The following ROBO1 variants were observed in gnomAD, a reference collection of about 807,000 sequenced individuals.
ROBO1 encodes the protein roundabout homolog 1.
ROBO1 carries 149 observed loss-of-function variants against 195.9 expected under a neutral mutation model. The ratio of observed to expected loss-of-function variants is 0.76; its 90% CI spans 0.67 to 0.87. The LOEUF is 0.87. Ranked by LOEUF, ROBO1 falls within the 40% of genes least tolerant of loss-of-function variation. The pLI, the probability that ROBO1 is intolerant of heterozygous loss-of-function variation, is 0.00. For synonymous variants in ROBO1, 816 were observed against 733.2 expected, an observed-to-expected ratio of 1.11 and a Z score of -1.82; for missense variants, 1,933 against 2,068.3, an observed-to-expected ratio of 0.93 and a Z score of 1.27.
chr3:78,834,312 G>A lies in ROBO1; in HGVS notation c.500-87412C>T, dbSNP rs115386516. ...ATCTGGGAATAAATTTTGTTCTTGA[G>A]GAAGTTATTTTGGTGGGAACGGCTT... On this transcript the variant is annotated intron_variant, in intron 4 of 30. Transcript: ENST00000464233. Among the ~76,000 whole-genome samples the A allele has an allele frequency of 5.3e-3, 797 of 151,796 alleles. 4 individuals are homozygous for A. Among genetic ancestry groups the A allele is most frequent in the Middle Eastern group, 0.01 (3 of 292 alleles).
chr3:78,751,269 G>A (rs150657289), intron 4 of ROBO1, among the ~76,000 whole-genome samples: 226 of 151,914 alleles, frequency 1.5e-3, no homozygotes, highest in African/African-American at 5.1e-3. Flanking sequence ...AGGCTCCTCG[G>A]GGGAGAGGAG....
intron 4 of ROBO1, among the ~76,000 whole-genome samples, chr3:78,864,079 C>T (rs950884380): frequency 6.6e-6 from 1 of 152,204 alleles, no homozygotes; most frequent in Admixed American, 6.5e-5. Context: ...ATTACATTTA[C>T]TCCTTCTTCA....
intron 2 of ROBO1, among the ~76,000 whole-genome samples, chr3:79,547,023 T>C (rs1464027234): frequency 6.6e-6 from 1 of 150,728 alleles, no homozygotes; most frequent in Non-Finnish European, 1.5e-5. Flanking sequence ...GTACTAAAAA[T>C]ACAAAAACAA....
chr3:78,697,514 A>G (rs1283682221), intron 8 of ROBO1, among the ~76,000 whole-genome samples: 1 of 152,212 alleles, frequency 6.6e-6, no homozygotes, highest in Non-Finnish European at 1.5e-5. Context: ...ACAAGAAAAG[A>G]TGATAATCGG....
At chr3:79,186,152 T>G (rs936657618) in intron 2 of ROBO1, among the ~76,000 whole-genome samples, 1 of 152,156 alleles carries the variant, frequency 6.6e-6, no homozygotes, top group Non-Finnish European at 1.5e-5. Context: ...TCTATCCACA[T>G]GTAAATCTTG....
At chr3:79,305,646 T>G (rs1263185951) in intron 2 of ROBO1, among the ~76,000 whole-genome samples, 2 of 152,114 alleles carry the variant, frequency 1.3e-5, no homozygotes, top group Non-Finnish European at 2.9e-5. Context: ...TTTCCTTCTT[T>G]TTGATATGTA....
chr3:79,532,132 A>C (rs73851252), intron 2 of ROBO1, among the ~76,000 whole-genome samples: 1,762 of 152,292 alleles, frequency 0.012, 26 homozygotes, highest in African/African-American at 0.039. Flanking sequence ...AAGTTTGAGT[A>C]ATGTAATTTG....
intron 2 of ROBO1, among the ~76,000 whole-genome samples, chr3:79,323,072 GCTTT>G (rs1425607251): frequency 1.4e-3 from 207 of 150,742 alleles, no homozygotes; most frequent in African/African-American, 4.7e-3. Flanking sequence ...TCAAATTGTA[GCTTT>G]CTTTCTTTCT....
intron 4 of ROBO1, among the ~76,000 whole-genome samples, chr3:78,836,842 C>A (rs1318215167): frequency 1.3e-5 from 2 of 152,022 alleles, no homozygotes; most frequent in African/African-American, 4.8e-5. Context: ...GTGCTCAAAT[C>A]TCATAACTTC....
intron 1 of ROBO1, among the ~76,000 whole-genome samples, chr3:79,746,972 A>T (rs1208388945): frequency 3.9e-5 from 6 of 152,076 alleles, no homozygotes; most frequent in Admixed American, 3.9e-4. Flanking sequence ...GCTAAATAAG[A>T]AAGCTGGGCT....
intron 2 of ROBO1, among the ~76,000 whole-genome samples, chr3:79,531,671 A>C (rs7644615): frequency 0.57 from 86,938 of 151,940 alleles, 24,985 homozygotes; most frequent in Non-Finnish European, 0.6. Flanking sequence ...TGATACTTAA[A>C]CTCTGTTTCA....
At chr3:79,238,753 T>G (rs1278902274) in intron 2 of ROBO1, among the ~76,000 whole-genome samples, 1 of 152,200 alleles carries the variant, frequency 6.6e-6, no homozygotes, top group Non-Finnish European at 1.5e-5. Context: ...CCTGATTAGA[T>G]GCAATTGACT....
intron 2 of ROBO1, among the ~76,000 whole-genome samples, chr3:79,319,363 T>C (rs2033877898): frequency 6.6e-6 from 1 of 152,192 alleles, no homozygotes; most frequent in Non-Finnish European, 1.5e-5. Flanking sequence ...ATCAATATTA[T>C]GAATAATATT....
intron 4 of ROBO1, among the ~76,000 whole-genome samples, chr3:78,760,152 C>G (rs2083059717): frequency 6.6e-6 from 1 of 152,092 alleles, no homozygotes; most frequent in African/African-American, 2.4e-5. Flanking sequence ...CTATGTGAGA[C>G]GTGACTTTCA....
chr3:79,149,717 A>T (rs139727718), intron 2 of ROBO1, among the ~76,000 whole-genome samples: 2 of 151,764 alleles, frequency 1.3e-5, no homozygotes, highest in African/African-American at 4.8e-5. Context: ...TGGACTGTGA[A>T]CTTCACCAGT....
rs142197889 is a variant in ROBO1 at position 79,541,210 on chromosome 3, G to A, written c.88+48614C>T. ...AACACCAGTTACAGAAAACAATCAC[G>A]TTAATCCACACTCATTCACCCACAC... On this transcript the variant is annotated intron_variant, in intron 2 of 30. Transcript: ENST00000464233. 1.7e-3 allele frequency among the ~76,000 whole-genome samples: 254 copies of A among 152,140 alleles called. 5 individuals carry two copies. The East Asian group carries it at 0.037, about 22-fold the overall frequency.
chr3:78,725,821 G>A (rs1335667166), intron 5 of ROBO1, among the ~76,000 whole-genome samples: 8 of 152,066 alleles, frequency 5.3e-5, no homozygotes, highest in Non-Finnish European at 2.9e-5. Flanking sequence ...AGCTTACCCT[G>A]AAATCAGTGC....
At chr3:78,708,959 G>A (rs945288075) in intron 8 of ROBO1, among the ~76,000 whole-genome samples, 15 of 152,086 alleles carry the variant, frequency 9.9e-5, no homozygotes, top group African/African-American at 3.1e-4. Flanking sequence ...GAGGTGATAG[G>A]TCTTTAAAAA....
At chr3:79,242,404 T>C (rs956512044) in intron 2 of ROBO1, among the ~76,000 whole-genome samples, 1 of 152,200 alleles carries the variant, frequency 6.6e-6, no homozygotes, top group African/African-American at 2.4e-5. Context: ...ATTTGCATCC[T>C]AGCTGTAAAA....
Sources: allele counts gnomAD v4.1 joint callset (sites outside exome capture counted in the v4.1 genomes callset), GRCh38; gene constraint gnomAD v4.1.1; transcripts MANE v1.5; gene names NCBI Gene and HGNC (gene_info 2026-07-23, HGNC 2026-07-21).